ZBTB2: variants seen among roughly 807,000 people sequenced by gnomAD.
The protein encoded by ZBTB2 is zinc finger and BTB domain-containing protein 2.
Under a neutral mutation model 39.5 loss-of-function variants are expected in ZBTB2, and 2 were observed. The ratio of observed to expected loss-of-function variants is 0.05; its 90% CI spans 0.02 to 0.16. The LOEUF is 0.16. Among genes scored for constraint, ZBTB2 ranks in the 10% least tolerant of loss-of-function variants. ZBTB2 has a pLI of 1.00. For synonymous variants in ZBTB2, 251 were observed against 256.6 expected (o/e 0.98, Z 0.21); for missense variants, 391 against 653.0 (o/e 0.60, Z 4.37).
At chr6:151,376,711 G>T (rs928776607) in intron 1 of ZBTB2, among the ~76,000 whole-genome samples, 5 of 152,220 alleles carry the variant, frequency 3.3e-5, no homozygotes, top group Non-Finnish European at 7.3e-5. Flanking sequence ...TGGCAAGAGT[G>T]TGGAGAAGCT....
At chr6:151,370,631 C>T (rs1300151690) in intron 2 of ZBTB2, among the ~76,000 whole-genome samples, 1 of 152,198 alleles carries the variant, frequency 6.6e-6, no homozygotes, top group East Asian at 1.9e-4. Flanking sequence ...GAGTAGTAGA[C>T]ATAAGACAGG....
chr6:151,381,197 G>A (rs987922542), intron 1 of ZBTB2, among the ~76,000 whole-genome samples: 5 of 152,088 alleles, frequency 3.3e-5, no homozygotes, highest in African/African-American at 1.2e-4. Flanking sequence ...ATGACCTTGC[G>A]AAAGGGCAAA....
chr6:151,374,587 T>C (rs1432946894), intron 1 of ZBTB2, among the ~76,000 whole-genome samples: 1 of 152,112 alleles, frequency 6.6e-6, no homozygotes, highest in African/African-American at 2.4e-5. Flanking sequence ...TTTAACATTA[T>C]ACTTAATGGT....
Position 151,366,879 on chromosome 6 carries a change from A to G in ZBTB2, c.187T>C (p.Leu63=), listed in dbSNP as rs376780920. ...TCGGGCTGTATGTCAGTTGGTTTCA[A>G]GCGGACACACTCACTGAAAGAAACA... ...FVHQTSECVR[L]KPTDIQPDIF... The change falls in exon 3 of 3, where the codon TTG becomes CTG. Residue 63 remains leucine, a synonymous_variant. Coordinates refer to ENST00000325144, the MANE Select transcript of ZBTB2 (RefSeq NM_020861.3). The surrounding 1 kb of genome is among the most constrained non-coding windows in gnomAD (Gnocchi z 7.1). The G allele has an allele frequency of 1.5e-5, 24 of 1,607,912 alleles. No homozygotes were observed. In the African/African-American group the frequency reaches 2.9e-4, roughly 20 times the overall value.
intron 2 of ZBTB2, among the ~76,000 whole-genome samples, chr6:151,370,366 T>C (rs1409980247): frequency 2.0e-5 from 3 of 152,206 alleles, no homozygotes; most frequent in Admixed American, 1.3e-4. Context: ...CATACTTTCA[T>C]GTAGGAAAAA....
chr6:151,375,457 G>C (rs1372842360), intron 1 of ZBTB2, among the ~76,000 whole-genome samples: 1 of 152,174 alleles, frequency 6.6e-6, no homozygotes, highest in Non-Finnish European at 1.5e-5. Flanking sequence ...ATATAGGTTT[G>C]ATGCCATTCC....
At chr6:151,390,651 G>A (rs957113283) in intron 1 of ZBTB2, among the ~76,000 whole-genome samples, 2 of 151,156 alleles carry the variant, frequency 1.3e-5, no homozygotes, top group African/African-American at 2.4e-5. Context: ...CCCCGCCCGC[G>A]AGCGGGAGGC....
intron 1 of ZBTB2, among the ~76,000 whole-genome samples, chr6:151,390,849 G>C (rs1334162322): frequency 6.6e-6 from 1 of 151,318 alleles, no homozygotes; most frequent in Non-Finnish European, 1.5e-5. Flanking sequence ...GCAGCAGGAG[G>C]CGGCGGCGAG....
intron 2 of ZBTB2, among the ~76,000 whole-genome samples, chr6:151,371,436 A>C (rs1314364453): frequency 1.3e-5 from 2 of 152,220 alleles, no homozygotes; most frequent in African/African-American, 4.8e-5. Context: ...GGACGTGGTC[A>C]CTGTCGTTTG....
chr6:151,377,399 G>A (rs962008533), intron 1 of ZBTB2, among the ~76,000 whole-genome samples: 3 of 147,546 alleles, frequency 2.0e-5, no homozygotes, highest in East Asian at 2.0e-4. Flanking sequence ...ACAGAGTTTC[G>A]CTCTTGTTGC....
chr6:151,383,561 C>A (rs180698410), intron 1 of ZBTB2, among the ~76,000 whole-genome samples: 92 of 152,226 alleles, frequency 6.0e-4, no homozygotes, highest in African/African-American at 2.1e-3. Context: ...GTCCTGAACA[C>A]CCTGGTGATG....
intron 1 of ZBTB2, among the ~76,000 whole-genome samples, chr6:151,381,715 T>G (rs1235594704): frequency 6.6e-6 from 1 of 152,128 alleles, no homozygotes; most frequent in Non-Finnish European, 1.5e-5. Context: ...GCTTTCTGAT[T>G]TCACAGACGT....
In ZBTB2 at chr6:151,364,552, G is replaced by A. The variant is rs1026173563; in HGVS notation, c.*969C>T. ...TCAGCATTGACTTTCAGTCATTGAA[G>A]TTACTACATCTTCTGGTCACAAATT... On this transcript the variant is annotated 3_prime_UTR_variant, in exon 3 of 3. Transcript: ENST00000325144. 2 of 152,176 alleles carry A rather than the reference G, an allele frequency of 1.3e-5. No individual in the cohort carries two copies. The highest frequency in any genetic ancestry group is 4.8e-5 in the African/African-American group (2 of 41,446). 9.4% of individuals were successfully genotyped at this position (152,176 alleles called of 1,614,324 possible).
intron 2 of ZBTB2, among the ~76,000 whole-genome samples, chr6:151,368,385 G>C (rs1778696796): frequency 6.6e-6 from 1 of 152,098 alleles, no homozygotes; most frequent in Admixed American, 6.5e-5. Context: ...TGCTGAACTC[G>C]TGATCTGCCC....
Position 151,366,208 on chromosome 6 carries a change from C to T in ZBTB2, c.858G>A (p.Gln286=), listed in dbSNP as rs1208545791. ...HTGVPFTSSQ[Q]GESRVPLTLC... ...GAGTCAGGGGGACGCGACTTTCTCCCTGTTGGCTAGATGTGAAAGGTACTC... is the reference window on the plus strand; with the variant it reads ...GAGTCAGGGGGACGCGACTTTCTCCTTGTTGGCTAGATGTGAAAGGTACTC... Residue 286 remains glutamine, a synonymous_variant, in exon 3 of 3, where the codon CAG becomes CAA. Coordinates refer to ENST00000325144, the MANE Select transcript of ZBTB2 (RefSeq NM_020861.3). The surrounding 1 kb of genome is among the most constrained non-coding windows in gnomAD (Gnocchi z 7.1). 3.7e-6 allele frequency: 6 copies of T among 1,614,118 alleles called. No homozygotes were observed. Among genetic ancestry groups the T allele is most frequent in the Non-Finnish European group, 5.1e-6 (6 of 1,180,024 alleles).
At chr6:151,377,240 A>C (rs1778930933) in intron 1 of ZBTB2, among the ~76,000 whole-genome samples, 1 of 152,150 alleles carries the variant, frequency 6.6e-6, no homozygotes, top group Admixed American at 6.5e-5. Context: ...TCTGCATGTC[A>C]AAATCCCAGC....
rs76773009 is a variant in ZBTB2, at chr6:151,371,091, C to G, written c.173+2374G>C. On this transcript the variant is annotated intron_variant, in intron 2 of 2. Transcript: ENST00000325144. ...TGTTGAGACTGCCCAGTACAAAACC[C>G]CTACTAGGCCTTAAGTCTCTGACAC... 1.4e-3 allele frequency among the ~76,000 whole-genome samples: 213 copies of G among 152,254 alleles called. 1 individual carries two copies. Among genetic ancestry groups the G allele is most frequent in the Non-Finnish European group, 2.4e-3 (166 of 68,016 alleles).
chr6:151,377,211 C>T (rs555312349), intron 1 of ZBTB2, among the ~76,000 whole-genome samples: 21 of 151,844 alleles, frequency 1.4e-4, no homozygotes, highest in Non-Finnish European at 2.6e-4. Context: ...ATGAGGGATC[C>T]TTGTGGTGAT....
intron 1 of ZBTB2, among the ~76,000 whole-genome samples, chr6:151,377,380 T>C (rs1345138464): frequency 6.6e-6 from 1 of 151,212 alleles, no homozygotes; most frequent in Non-Finnish European, 1.5e-5. Flanking sequence ...TTTTTTTTTT[T>C]TTTTTGAGAC....
Sources: allele counts gnomAD v4.1 joint callset (sites outside exome capture counted in the v4.1 genomes callset), GRCh38; gene constraint gnomAD v4.1.1; non-coding constraint Gnocchi (gnomAD v3.1); transcripts MANE v1.5; gene names NCBI Gene and HGNC (gene_info 2026-07-23, HGNC 2026-07-21).